The following ZNF324B variants were observed in gnomAD, a reference collection of about 807,000 sequenced individuals.
ZNF324B encodes the protein zinc finger protein 324B.
Under a neutral mutation model 10.6 loss-of-function variants are expected in ZNF324B, and 7 were observed. The ratio of observed to expected loss-of-function variants is 0.66; its 90% confidence interval spans 0.38 to 1.24. The LOEUF (loss-of-function observed/expected upper bound fraction) is 1.24, where lower values mean the gene tolerates loss of function less well. Ranked by LOEUF, ZNF324B falls within the 50% of genes most tolerant of loss-of-function variation. The probability of loss-of-function intolerance (pLI) is 0.02; values close to 1 mark genes in which losing one functional copy is unlikely to be tolerated. For missense variants in ZNF324B, 640 were observed against 764.7 expected, an observed-to-expected ratio of 0.84 and a Z score of 1.92; for synonymous variants, 316 against 321.0, an observed-to-expected ratio of 0.98 and a Z score of 0.17.
chr19:58,427,382 CTT>C, the ZNF324B span, among the ~76,000 whole-genome samples: 175 of 34,558 alleles, frequency 5.1e-3, no homozygotes, highest in African/African-American at 0.021. Context: ...TTCTTTCTTT[CTT>C]TCTTTCTTTC....
At chr19:58,425,182 G>A in the ZNF324B span, among the ~76,000 whole-genome samples, 6 of 152,200 alleles carry the variant, frequency 3.9e-5, no homozygotes, top group Non-Finnish European at 8.8e-5. Context: ...CTTGAACCCA[G>A]GAGGTGGAGC....
Position 58,455,334 on chromosome 19 carries a change from A to G in ZNF324B, c.390A>G (p.Pro130=). The change falls in exon 4 of 4, where the codon CCA becomes CCG. Residue 130 remains proline (P), a synonymous_variant. Coordinates refer to ENST00000336614, the MANE Select transcript of ZNF324B (RefSeq NM_207395.3). The surrounding 1 kb of genome is among the most constrained non-coding windows in gnomAD (Gnocchi z 7.0). ...TGCAGCGACAACCGGGTGCCTCCCC[A>G]TCTCAGGAGAGAAAACCCACGGGGG... ...KSLQRQPGAS[P]SQERKPTGVS... is the part of the protein sequence containing the mutation. The G allele has an allele frequency of 6.2e-7, 1 of 1,614,164 alleles. No homozygotes were observed. The highest frequency in any genetic ancestry group is 8.5e-7 in the Non-Finnish European group (1 of 1,180,022).
chr19:58,451,345 G>C (rs2052854053), upstream of ZNF324B, among the ~76,000 whole-genome samples: 1 of 152,252 alleles, frequency 6.6e-6, no homozygotes, highest in East Asian at 1.9e-4. Context: ...GGGCTGCTTA[G>C]GTGGGTGCCA....
intron 1 of ZNF324B, among the ~76,000 whole-genome samples, chr19:58,451,970 G>A (rs1209328781): frequency 6.6e-6 from 1 of 152,232 alleles, no homozygotes; most frequent in Non-Finnish European, 1.5e-5. Context: ...CGCTGGCGGC[G>A]GTGGCGCTGA....
the ZNF324B span, among the ~76,000 whole-genome samples, chr19:58,428,444 C>T: frequency 6.6e-6 from 1 of 152,152 alleles, no homozygotes; most frequent in Non-Finnish European, 1.5e-5. Context: ...ACCATATTGT[C>T]TCCCCACCCC....
chr19:58,449,154 T>G (rs767754829), upstream of ZNF324B, among the ~76,000 whole-genome samples: 87 of 152,322 alleles, frequency 5.7e-4, no homozygotes, highest in Non-Finnish European at 1.0e-3. Flanking sequence ...GGCTGTGGCT[T>G]CAGAGGGTGC....
chr19:58,450,448 G>C (rs1484525892), upstream of ZNF324B, among the ~76,000 whole-genome samples: 1 of 131,112 alleles, frequency 7.6e-6, no homozygotes, highest in African/African-American at 3.0e-5. Flanking sequence ...CTGGGTAAGA[G>C]AGTGAGACCC....
the ZNF324B span, among the ~76,000 whole-genome samples, chr19:58,423,657 T>G: frequency 3.3e-5 from 5 of 152,202 alleles, no homozygotes; most frequent in Admixed American, 1.3e-4. Context: ...TCACACTACC[T>G]GACTTGAAAA....
chr19:58,447,192 G>A (rs1435228320), upstream of ZNF324B, among the ~76,000 whole-genome samples: 1 of 151,748 alleles, frequency 6.6e-6, no homozygotes, highest in East Asian at 1.9e-4. Context: ...TGGCCAGGCT[G>A]GTCTCAAACT....
chr19:58,456,396 G>A lies in ZNF324B; in HGVS notation c.1452G>A (p.Thr484=), dbSNP rs752125109. 5 of 1,613,018 alleles carry A rather than the reference G, an allele frequency of 3.1e-6. No individual in the cohort carries two copies. In the African/African-American group the frequency reaches 4.0e-5, roughly 13 times the overall value. The change falls in exon 4 of 4, where the codon ACG becomes ACA. Residue 484 remains threonine, a synonymous_variant. Coordinates refer to ENST00000336614, the MANE Select transcript of ZNF324B (RefSeq NM_207395.3). The surrounding 1 kb of genome is among the most constrained non-coding windows in gnomAD (Gnocchi z 4.7). Reference sequence around the variant, plus strand: ...CGGGCGAGAAGCCCTTCGTGTGCACGCAGTGTGGCCGCGCCTTCCGTGAGC... The same window carrying A: ...CGGGCGAGAAGCCCTTCGTGTGCACACAGTGTGGCCGCGCCTTCCGTGAGC... ...IHTGEKPFVC[T]QCGRAFRERP...
At chr19:58,428,050 G>C in the ZNF324B span, among the ~76,000 whole-genome samples, 1 of 152,360 alleles carries the variant, frequency 6.6e-6, no homozygotes, top group Middle Eastern at 3.4e-3. Context: ...CTGTGCTGGG[G>C]AGTATTTGAG....
the ZNF324B span, chr19:58,433,605 G>T: frequency 2.5e-6 from 4 of 1,613,902 alleles, no homozygotes; most frequent in African/African-American, 1.3e-5. Flanking sequence ...GACAAATAAG[G>T]CTGGATTTTC....
At chr19:58,427,369 T>TC in the ZNF324B span, among the ~76,000 whole-genome samples, 283 of 42,048 alleles carry the variant, frequency 6.7e-3, 1 homozygote, top group African/African-American at 0.013. Flanking sequence ...TTTCTTTCTT[T>TC]CTTTCTTTCT....
At chr19:58,436,705 C>G in the ZNF324B span, among the ~76,000 whole-genome samples, 616 of 141,770 alleles carry the variant, frequency 4.3e-3, 7 homozygotes, top group African/African-American at 0.015. Context: ...AAAAAAAAAT[C>G]TCATTGGGAA....
In ZNF324B at chr19:58,455,791, C is replaced by T; in HGVS notation, c.847C>T (p.Arg283Trp). ...GCACCTACGCACCCACACCGGGGAG[C>T]GGCCCTACGAGTGCACCCAGTGCGG... ...LKHLRTHTGE[R>W]PYECTQCGKA... The change falls in exon 4 of 4, where the codon CGG becomes TGG. Residue 283 changes from arginine (R) to tryptophan (W), a missense_variant. Coordinates refer to ENST00000336614, the MANE Select transcript of ZNF324B (RefSeq NM_207395.3). This position sits in a 1 kb window ranked among gnomAD's most constrained non-coding sequence, Gnocchi z 7.0. 6.2e-7 allele frequency: 1 copy of T among 1,614,000 alleles called. No individual in the cohort carries two copies. The highest frequency in any genetic ancestry group is 8.5e-7 in the Non-Finnish European group (1 of 1,180,020).
At chr19:58,430,798 G>A in the ZNF324B span, 1 of 152,198 alleles carries the variant, frequency 6.6e-6, no homozygotes, top group Non-Finnish European at 1.5e-5. Context: ...GAGGGCAAAA[G>A]TCTTCATGTC....
chr19:58,421,341 G>T, the ZNF324B span, among the ~76,000 whole-genome samples: 1 of 152,112 alleles, frequency 6.6e-6, no homozygotes, highest in African/African-American at 2.4e-5. Flanking sequence ...TGATCACCTT[G>T]CTGCCTATAG....
At chr19:58,442,382 G>A in the ZNF324B span, 1 of 150,528 alleles carries the variant, frequency 6.6e-6, no homozygotes, top group South Asian at 2.1e-4. Flanking sequence ...CACCTTGTTA[G>A]CCAGGATGGT....
chr19:58,434,373 A>C, the ZNF324B span: 1 of 1,614,218 alleles, frequency 6.2e-7, no homozygotes, highest in Non-Finnish European at 8.5e-7. Flanking sequence ...GTGATCTGTT[A>C]CTGAAGGCTT....
Sources: allele counts gnomAD v4.1 joint callset (sites outside exome capture counted in the v4.1 genomes callset), GRCh38; gene constraint gnomAD v4.1.1; non-coding constraint Gnocchi (gnomAD v3.1); transcripts MANE v1.5; gene names NCBI Gene and HGNC (gene_info 2026-07-23, HGNC 2026-07-21).